The following TBL1X variants were observed in gnomAD, a reference collection of about 807,000 sequenced individuals.
TBL1X encodes F-box-like/WD repeat-containing protein TBL1X.
In TBL1X, 10 loss-of-function variants were observed where a neutral mutation model predicts 50.7. The ratio of observed to expected loss-of-function variants is 0.20; its 90% CI spans 0.12 to 0.33. The LOEUF (loss-of-function observed/expected upper bound fraction) is 0.33. Among genes scored for constraint, TBL1X ranks in the 10% least tolerant of loss-of-function variants. The probability of loss-of-function intolerance (pLI) is 1.00; values close to 1 mark genes in which losing one functional copy is unlikely to be tolerated. For missense variants in TBL1X, 340 were observed against 504.4 expected (o/e 0.67, Z 3.12); for synonymous variants, 190 against 214.7 (o/e 0.88, Z 1.01).
chrX:9,565,076 C>G (rs1256180905), intron 2 of TBL1X, among the ~76,000 whole-genome samples: 5 of 109,125 alleles, frequency 4.6e-5, no homozygotes, highest in Non-Finnish European at 9.5e-5. Context: ...CGAGACCATC[C>G]TGGCTAACAC....
intron 2 of TBL1X, among the ~76,000 whole-genome samples, chrX:9,502,082 TA>T (rs1464194295): frequency 8.9e-6 from 1 of 112,731 alleles, no homozygotes; most frequent in Non-Finnish European, 1.9e-5. Flanking sequence ...TGTAGAAGTA[TA>T]AAATACACAC....
chrX:9,487,013 C>A (rs904019907), intron 1 of TBL1X, among the ~76,000 whole-genome samples: 2 of 111,784 alleles, frequency 1.8e-5, no homozygotes, highest in Non-Finnish European at 3.8e-5. Context: ...CAGGAGAAGT[C>A]GTGGAACAGA....
intron 2 of TBL1X, among the ~76,000 whole-genome samples, chrX:9,554,969 A>G (rs1162026076): frequency 8.9e-6 from 1 of 112,355 alleles, no homozygotes; most frequent in Non-Finnish European, 1.9e-5. Flanking sequence ...TCTGGACATT[A>G]GATATAAATC....
chrX:9,526,491 G>A (rs1469354195), intron 2 of TBL1X, among the ~76,000 whole-genome samples: 1 of 111,341 alleles, frequency 9.0e-6, no homozygotes, highest in Admixed American at 9.6e-5. Flanking sequence ...GAGGTGAAAC[G>A]ACTTGCCCGG....
intron 1 of TBL1X, among the ~76,000 whole-genome samples, chrX:9,472,687 G>A (rs1037911467): frequency 8.2e-5 from 9 of 110,378 alleles, no homozygotes; most frequent in African/African-American, 2.6e-4. Flanking sequence ...GCTGAGGGGG[G>A]CAGATCACGA....
intron 1 of TBL1X, among the ~76,000 whole-genome samples, chrX:9,476,744 A>G (rs901200618): frequency 4.2e-5 from 4 of 95,335 alleles, no homozygotes; most frequent in Non-Finnish European, 6.2e-5. Context: ...TTGAAGCACC[A>G]TCTACATAAT....
intron 2 of TBL1X, among the ~76,000 whole-genome samples, chrX:9,536,087 G>A (rs900996004): frequency 9.0e-6 from 1 of 111,656 alleles, no homozygotes; most frequent in South Asian, 3.8e-4. Flanking sequence ...AAGTGAGCAG[G>A]CATAGGCAGT....
At chrX:9,699,130 A>G (rs762396365) in intron 12 of TBL1X, among the ~76,000 whole-genome samples, 1 of 111,369 alleles carries the variant, frequency 9.0e-6, no homozygotes, top group South Asian at 3.8e-4. Context: ...ACAGGCATGC[A>G]CCACCAAGCC....
At chrX:9,565,175 A>G (rs772002869) in intron 2 of TBL1X, among the ~76,000 whole-genome samples, 15 of 102,509 alleles carry the variant, frequency 1.5e-4, no homozygotes, top group South Asian at 9.5e-4. Flanking sequence ...GGGAGGCTGA[A>G]GCAGGAGAAT....
At chrX:9,466,896 C>T (rs1250847915) in intron 1 of TBL1X, among the ~76,000 whole-genome samples, 2 of 112,208 alleles carry the variant, frequency 1.8e-5, no homozygotes, top group South Asian at 3.7e-4. Flanking sequence ...TTGTTCATCA[C>T]TGGATCACCG....
chrX:9,680,876 T>C (rs1210188816), intron 5 of TBL1X, among the ~76,000 whole-genome samples: 2 of 112,375 alleles, frequency 1.8e-5, no homozygotes, highest in African/African-American at 6.5e-5. Context: ...ACATTTGTCA[T>C]TGTGCATCTG....
In TBL1X at chrX:9,717,153, C is replaced by T. The variant is rs142214678; in HGVS notation, c.*907C>T. 3,165 of 109,220 alleles carry T rather than the reference C, an allele frequency of 0.029. 57 individuals carry two copies. Among genetic ancestry groups the T allele is most frequent in the Non-Finnish European group, 0.045 (2,370 of 52,520 alleles). The allele number at this position is 109,220 out of a possible 1,213,427, so 9.0% of individuals were successfully genotyped here. ...ATCTTAGGTCTCAAGGGCACTTTGG[C>T]GCGTAGTAAGTGCTTTATGTAAGAA... On this transcript the variant is annotated 3_prime_UTR_variant, in exon 18 of 18. Transcript: ENST00000645353.
chrX:9,711,898 C>A (rs1020050756), intron 16 of TBL1X, 122 bp downstream of exon 16: 4 of 783,431 alleles, frequency 5.1e-6, no homozygotes, highest in Middle Eastern at 4.9e-4. Context: ...GCTCCCCGGG[C>A]AGACCCAGTG....
chrX:9,571,985 A>T (rs1258311632), intron 2 of TBL1X, among the ~76,000 whole-genome samples: 1 of 112,111 alleles, frequency 8.9e-6, no homozygotes, highest in Non-Finnish European at 1.9e-5. Context: ...CCATTCATGC[A>T]TCGATGGACA....
rs183316310 is a variant in TBL1X at position 9,706,383 on chromosome X, G to A, written c.1236+1269G>A. 4.5e-5 allele frequency among the ~76,000 whole-genome samples: 5 copies of A among 111,484 alleles called. No individual in the cohort carries two copies. The East Asian group carries it at 1.4e-3, about 31-fold the overall frequency. On this transcript the variant is annotated intron_variant, in intron 13 of 17. Transcript: ENST00000645353. ...TGGAACAGAAAAATCATTTGAGGCA[G>A]TAACAGCCAAGTTTTCCTAAATTTG...
Position 9,706,244 on chromosome X carries a change from T to C in TBL1X, c.1236+1130T>C, listed in dbSNP as rs144358018. Among the ~76,000 whole-genome samples, 6 of 110,439 alleles carry C rather than the reference T, an allele frequency of 5.4e-5. No homozygotes were observed. The East Asian group carries it at 1.4e-3, about 26-fold the overall frequency. On this transcript the variant is annotated intron_variant, in intron 13 of 17. Transcript: ENST00000645353. ...GAAGTAAGGTTAGAGAGCATAGAAA[T>C]TGGCCAATTTGAAGAACAGATAAAA... is the stretch of plus-strand genomic sequence containing the variant.
chrX:9,490,412 C>G (rs943542992), intron 1 of TBL1X, among the ~76,000 whole-genome samples: 4 of 111,890 alleles, frequency 3.6e-5, no homozygotes, highest in African/African-American at 1.3e-4. Context: ...GGGGGTTGCT[C>G]CTGGCATCTT....
intron 2 of TBL1X, among the ~76,000 whole-genome samples, chrX:9,553,608 T>C (rs755330641): frequency 9.0e-6 from 1 of 111,522 alleles, no homozygotes; most frequent in African/African-American, 3.3e-5. Flanking sequence ...TTTTGCTAAC[T>C]GTTTCTATGG....
chrX:9,635,693 C>CTT (rs2082743011), intron 2 of TBL1X, among the ~76,000 whole-genome samples: 1 of 112,327 alleles, frequency 8.9e-6, no homozygotes, highest in African/African-American at 3.2e-5. Context: ...CTTTGTTGGC[C>CTT]ACCCTGCCTG....
Sources: gnomAD v4.1 joint callset for allele counts (sites outside exome capture counted in the v4.1 genomes callset) on GRCh38, gnomAD v4.1.1 for gene constraint, MANE v1.5 for transcripts, NCBI Gene and HGNC (gene_info 2026-07-23, HGNC 2026-07-21) for gene names.